Variants in PXK observed in about 807,000 individuals in gnomAD.
PXK encodes the protein PX domain containing serine/threonine kinase like.
PXK carries 35 observed loss-of-function variants against 84.7 expected under a neutral mutation model. The ratio of observed to expected loss-of-function variants is 0.41; its 90% CI spans 0.32 to 0.55. PXK has a LOEUF of 0.55. Ranked by LOEUF, PXK falls within the 20% of genes least tolerant of loss-of-function variation. The pLI is 0.21. For synonymous variants in PXK, 253 were observed against 260.8 expected (o/e 0.97, Z 0.29); for missense variants, 634 against 699.7 (o/e 0.91, Z 1.06).
At position 58,421,894 on chromosome 3, in the gene PXK, G is replaced by T. The variant is rs1034663590; in HGVS notation, c.1529-2858G>T. On this transcript the variant is annotated intron_variant, in intron 17 of 17. Transcript: ENST00000356151. This position sits in a 1 kb window ranked among gnomAD's most constrained non-coding sequence, Gnocchi z 5.5. ...ATCCCCCTTCCTGGGTGCAAATTCA[G>T]GTATCATAAGTCTAACATGGAATCG... 6.7e-5 allele frequency: 66 copies of T among 985,414 alleles called. No individual in the cohort carries two copies. Among genetic ancestry groups the T allele is most frequent in the Middle Eastern group, 5.2e-4 (1 of 1,914 alleles). 61.0% of individuals were successfully genotyped at this position (985,414 alleles called of 1,614,324 possible).
intron 1 of PXK, among the ~76,000 whole-genome samples, chr3:58,334,004 T>A (rs1440163725): frequency 6.6e-6 from 1 of 152,092 alleles, no homozygotes; most frequent in African/African-American, 2.4e-5. Flanking sequence ...GGAGAGAGAT[T>A]CCTTCAATTG....
At position 58,398,010 on chromosome 3, in the gene PXK, G is replaced by A. The variant is rs1160294644; in HGVS notation, c.1102+288G>A. 1.3e-5 allele frequency among the ~76,000 whole-genome samples: 2 copies of A among 152,226 alleles called. No homozygotes were observed. Among genetic ancestry groups the A allele is most frequent in the African/African-American group, 4.8e-5 (2 of 41,468 alleles). On this transcript the variant is annotated intron_variant, in intron 11 of 17. Coordinates refer to ENST00000356151, the MANE Select transcript of PXK (RefSeq NM_017771.5). This position sits in a 1 kb window ranked among gnomAD's most constrained non-coding sequence, Gnocchi z 4.5. ...ATGTAAAGAGAAGTATGGCCTGCATGAGTGTGATGCAGAAGCTAGAGCCAG... is the reference window on the plus strand; with the variant it reads ...ATGTAAAGAGAAGTATGGCCTGCATAAGTGTGATGCAGAAGCTAGAGCCAG...
At chr3:58,413,011 G>C (rs1560124528) in intron 17 of PXK, 48 bp downstream of exon 17, 1 of 1,595,776 alleles carries the variant, frequency 6.3e-7, no homozygotes. Context: ...CCGCCAACAG[G>C]AGGAGCGGGC....
At position 58,421,440 on chromosome 3, in the gene PXK, G is replaced by GC. The variant is rs1454050173; in HGVS notation, c.1529-3311dup. ...TACTAAAAATACAAAAATTAGGTGG[G>GC]CATGGTACCACGCGCCTGTAATCCC... On this transcript the variant is annotated intron_variant, in intron 17 of 17. Coordinates refer to ENST00000356151, the MANE Select transcript of PXK (RefSeq NM_017771.5). This position sits in a 1 kb window ranked among gnomAD's most constrained non-coding sequence, Gnocchi z 5.5. The GC allele has an allele frequency of 2.5e-6, 2 of 789,170 alleles. No individual in the cohort carries two copies. Among genetic ancestry groups the GC allele is most frequent in the Non-Finnish European group, 3.1e-6 (2 of 650,942 alleles). The allele number at this position is 789,170 out of a possible 1,614,324, so 48.9% of individuals were successfully genotyped here.
chr3:58,375,334 T>C (rs2098431469), intron 3 of PXK, among the ~76,000 whole-genome samples: 1 of 152,136 alleles, frequency 6.6e-6, no homozygotes, highest in Non-Finnish European at 1.5e-5. Context: ...CACTTTTCTT[T>C]CTTTAATTGA....
At chr3:58,354,329 G>A (rs1490236703) in intron 1 of PXK, among the ~76,000 whole-genome samples, 1 of 152,158 alleles carries the variant, frequency 6.6e-6, no homozygotes, top group Non-Finnish European at 1.5e-5. Flanking sequence ...TCCTTAAGAG[G>A]AGGTGGGGAG....
rs1029671083 is a variant in PXK at position 58,409,870 on chromosome 3, G to A, written c.1396-220G>A. On this transcript the variant is annotated intron_variant, in intron 15 of 17. Coordinates refer to ENST00000356151, the MANE Select transcript of PXK (RefSeq NM_017771.5). The surrounding 1 kb of genome is among the most constrained non-coding windows in gnomAD (Gnocchi z 4.2). The stretch of plus-strand genomic sequence containing the variant: ...ATGGCGTAATGTAATTGGAGGAAAC[G>A]ATTGGCCTGAGATAGTAAAGTCAGC... 2.0e-5 allele frequency among the ~76,000 whole-genome samples: 3 copies of A among 152,158 alleles called. No individual in the cohort carries two copies. The highest frequency in any genetic ancestry group is 7.2e-5 in the African/African-American group (3 of 41,430).
intron 3 of PXK, among the ~76,000 whole-genome samples, chr3:58,382,075 G>A (rs2098508607): frequency 6.6e-6 from 1 of 152,136 alleles, no homozygotes; most frequent in African/African-American, 2.4e-5. Flanking sequence ...CAGCACTTTG[G>A]GAGGCCGAAG....
intron 17 of PXK, chr3:58,422,172 A>G: frequency 1.0e-6 from 1 of 985,392 alleles, no homozygotes; most frequent in Non-Finnish European, 1.2e-6. Context: ...GGCCAAAAGG[A>G]AAAGCCAAAA....
intron 3 of PXK, among the ~76,000 whole-genome samples, chr3:58,378,410 C>G (rs1378134314): frequency 6.6e-6 from 1 of 151,594 alleles, no homozygotes; most frequent in Non-Finnish European, 1.5e-5. Context: ...GGGCTGATAA[C>G]CAAAGGGTCA....
intron 1 of PXK, among the ~76,000 whole-genome samples, chr3:58,338,839 C>T (rs527668030): frequency 2.6e-5 from 4 of 151,844 alleles, no homozygotes; most frequent in Non-Finnish European, 4.4e-5. Context: ...CCCACCACCA[C>T]ACCCGGCTAA....
At chr3:58,336,110 T>C (rs1445240824) in intron 1 of PXK, among the ~76,000 whole-genome samples, 4 of 142,826 alleles carry the variant, frequency 2.8e-5, no homozygotes, top group African/African-American at 1.0e-4. Context: ...GGGTTCTTGC[T>C]GTGTTGCCCA....
intron 17 of PXK, among the ~76,000 whole-genome samples, chr3:58,417,234 A>G (rs1263182280): frequency 6.6e-6 from 1 of 152,194 alleles, no homozygotes; most frequent in African/African-American, 2.4e-5. Context: ...AGCACACTCT[A>G]AATCCTAAAT....
chr3:58,422,596 T>C (rs1469646247), intron 17 of PXK: 2 of 985,336 alleles, frequency 2.0e-6, no homozygotes, highest in Non-Finnish European at 2.4e-6. Flanking sequence ...ATCCATGTAC[T>C]GAACCCCACC....
intron 1 of PXK, among the ~76,000 whole-genome samples, chr3:58,355,145 A>AAAAG (rs1553755204): frequency 8.0e-5 from 12 of 149,482 alleles, no homozygotes; most frequent in African/African-American, 1.2e-4. Flanking sequence ...AAAAAAAAAA[A>AAAAG]AGAAAAAACA....
At chr3:58,389,419 C>T (rs1174847212) in intron 4 of PXK, among the ~76,000 whole-genome samples, 3 of 152,012 alleles carry the variant, frequency 2.0e-5, no homozygotes, top group Admixed American at 2.0e-4. Flanking sequence ...TTGGCTTAGA[C>T]CAGCTAGATT....
Position 58,424,972 on chromosome 3 carries a change from T to A in PXK, c.*12T>A, listed in dbSNP as rs764039896. On this transcript the variant is annotated 3_prime_UTR_variant, in exon 18 of 18. Transcript: ENST00000356151. ...CGAAGATCGGCTGAAGCTTCCTGTT[T>A]ACACTTGGAGGGAAAAGTTCTTTTT... The A allele has an allele frequency of 5.6e-6, 9 of 1,613,672 alleles. No individual in the cohort carries two copies. The African/African-American group carries it at 1.2e-4, about 22-fold the overall frequency.
At chr3:58,420,537 A>G in intron 17 of PXK, 1 of 1,535,986 alleles carries the variant, frequency 6.5e-7, no homozygotes, top group Non-Finnish European at 8.7e-7. Context: ...TGTTTTCAGT[A>G]GAGCATGCAC....
At position 58,390,667 on chromosome 3, in the gene PXK, A is replaced by G. The variant is rs372062161; in HGVS notation, c.466+8A>G. 3.1e-6 allele frequency: 5 copies of G among 1,608,906 alleles called. No homozygotes were observed. The highest frequency in any genetic ancestry group is 1.7e-5 in the Admixed American group (1 of 59,490). On this transcript the variant is annotated splice_region_variant and intron_variant, in intron 5 of 17. Transcript: ENST00000356151. This position sits in a 1 kb window ranked among gnomAD's most constrained non-coding sequence, Gnocchi z 4.2. ...AACCTTTGAAAGACATAGGTGAGAC[A>G]TTGGCACGCTCATTCTGTTAAAAAG...
Sources: gnomAD v4.1 joint callset for allele counts (sites outside exome capture counted in the v4.1 genomes callset) on GRCh38, gnomAD v4.1.1 for gene constraint, Gnocchi (gnomAD v3.1) non-coding constraint, MANE v1.5 for transcripts, NCBI Gene and HGNC (gene_info 2026-07-23, HGNC 2026-07-21) for gene names.